Variants in SEMA3E observed in about 807,000 individuals in gnomAD.
SEMA3E encodes the protein semaphorin-3E.
A neutral mutation model predicts 93.6 loss-of-function variants in SEMA3E; 49 were observed. The observed-to-expected ratio is 0.52, with a 90% CI of 0.42 to 0.66. SEMA3E has a LOEUF of 0.66. SEMA3E is among the 30% of genes least tolerant of loss of function. The pLI, the probability that SEMA3E is intolerant of heterozygous loss-of-function variation, is 0.00. For synonymous variants in SEMA3E, 363 were observed against 330.7 expected (o/e 1.10, Z -1.06); for missense variants, 906 against 964.8 (o/e 0.94, Z 0.81).
At position 83,408,396 on chromosome 7, in the gene SEMA3E, A is replaced by T; in HGVS notation, c.642T>A (p.Thr214=). Residue 214 remains threonine, a synonymous_variant, in exon 6 of 17, where the codon ACT becomes ACA. Transcript: ENST00000643230. ...RSMGRLAHIR[T]EHDDERLLKE... The stretch of plus-strand genomic sequence containing the variant: ...TCAACAGACGCTCATCGTCATGCTC[A>T]GTGCGGATATGGGCCAGTCGCCCCA... The T allele has an allele frequency of 6.2e-7, 1 of 1,613,856 alleles. No homozygotes were observed. Among genetic ancestry groups the T allele is most frequent in the Non-Finnish European group, 8.5e-7 (1 of 1,179,864 alleles).
intron 1 of SEMA3E, among the ~76,000 whole-genome samples, chr7:83,597,559 A>C (rs1034826311): frequency 2.0e-5 from 3 of 152,148 alleles, no homozygotes; most frequent in Non-Finnish European, 4.4e-5. Flanking sequence ...TCACTCATTA[A>C]GTTGTCCTAC....
At chr7:83,417,818 G>C (rs760784510) in intron 5 of SEMA3E, among the ~76,000 whole-genome samples, 2 of 152,074 alleles carry the variant, frequency 1.3e-5, no homozygotes, top group Non-Finnish European at 2.9e-5. Flanking sequence ...TTGAACTCCA[G>C]ATCCAACTTT....
Position 83,367,644 on chromosome 7 carries a change from T to C in SEMA3E, c.2270A>G (p.Lys757Arg), listed in dbSNP as rs1296188604. 6 of 1,614,054 alleles carry C rather than the reference T, an allele frequency of 3.7e-6. No homozygotes were observed. The highest frequency in any genetic ancestry group is 1.3e-5 in the African/African-American group (1 of 74,932). ...SKWKYANPQEKKLRSKPEHYR... is the reference protein window; with the variant it reads ...SKWKYANPQERKLRSKPEHYR... ...ATGCTCAGGTTTGGAACGGAGCTTCTTTTCCTGAGGGTTGGCATACTTCCA... is the reference window on the plus strand; with the variant it reads ...ATGCTCAGGTTTGGAACGGAGCTTCCTTTCCTGAGGGTTGGCATACTTCCA... Residue 757 changes from lysine (K) to arginine (R), a missense_variant, in exon 17 of 17, where the codon AAG becomes AGG. Lys to Arg is a conservative substitution (Grantham distance 26, BLOSUM62 2). Transcript: ENST00000643230.
At chr7:83,539,156 T>A (rs1343526994) in intron 1 of SEMA3E, among the ~76,000 whole-genome samples, 2 of 152,316 alleles carry the variant, frequency 1.3e-5, no homozygotes, top group Admixed American at 1.3e-4. Flanking sequence ...TCACAAATGA[T>A]ACATTTAATC....
intron 1 of SEMA3E, 43 bp from the exon 2 acceptor site, chr7:83,490,317 G>A (rs554806829): frequency 1.3e-5 from 21 of 1,591,988 alleles, no homozygotes; most frequent in Non-Finnish European, 1.7e-6. Flanking sequence ...ACGAGAAAAT[G>A]TAAATACCTT....
At chr7:83,386,837 C>CA (rs1400624936) in intron 15 of SEMA3E, 146 bp downstream of exon 15, 1 of 761,232 alleles carries the variant, frequency 1.3e-6, no homozygotes, top group Non-Finnish European at 2.1e-6. Context: ...AAAATTTTAA[C>CA]TACATGTCAG....
At chr7:83,556,898 C>T (rs563269811) in intron 1 of SEMA3E, among the ~76,000 whole-genome samples, 1 of 152,260 alleles carries the variant, frequency 6.6e-6, no homozygotes, top group East Asian at 1.9e-4. Flanking sequence ...TCCATCCTCA[C>T]CTTGGACTTG....
intron 2 of SEMA3E, among the ~76,000 whole-genome samples, chr7:83,480,952 ATAGAT>A (rs1477780840): frequency 1.8e-4 from 28 of 152,314 alleles, no homozygotes; most frequent in African/African-American, 6.5e-4. Context: ...TTATCTATTA[ATAGAT>A]TAGATGTTCT....
At chr7:83,412,272 T>C (rs1788451842) in intron 5 of SEMA3E, among the ~76,000 whole-genome samples, 2 of 152,166 alleles carry the variant, frequency 1.3e-5, no homozygotes, top group African/African-American at 4.8e-5. Context: ...ATCCTACTGC[T>C]CATCCAACTA....
chr7:83,553,240 T>TG (rs1469471284), intron 1 of SEMA3E, among the ~76,000 whole-genome samples: 1 of 152,148 alleles, frequency 6.6e-6, no homozygotes, highest in Non-Finnish European at 1.5e-5. Flanking sequence ...GTTGAAATAT[T>TG]GGGGGTGGGT....
chr7:83,387,895 A>ATATATATGT, intron 14 of SEMA3E, among the ~76,000 whole-genome samples: 1 of 146,330 alleles, frequency 6.8e-6, no homozygotes, highest in African/African-American at 2.5e-5. Context: ...TATATATAAC[A>ATATATATGT]TTATATATAT....
chr7:83,648,172 T>TA (rs1794104559), intron 1 of SEMA3E, among the ~76,000 whole-genome samples: 2 of 152,078 alleles, frequency 1.3e-5, no homozygotes, highest in South Asian at 4.1e-4. Context: ...TCCTTATTGA[T>TA]AAAATCCAAT....
chr7:83,367,538 A>G lies in SEMA3E; in HGVS notation c.*48T>C. 1 of 1,586,366 alleles carries G rather than the reference A, an allele frequency of 6.3e-7. No homozygotes were observed. The highest frequency in any genetic ancestry group is 8.7e-7 in the Non-Finnish European group (1 of 1,155,294). On this transcript the variant is annotated 3_prime_UTR_variant, in exon 17 of 17. Transcript: ENST00000643230. ...GGATGATTTATTTTTTTACTTTTTT[A>G]CTTTCCAAATATAAATTCTTCAAAA... is the stretch of plus-strand genomic sequence containing the variant.
At chr7:83,453,844 A>G (rs1411846176) in intron 4 of SEMA3E, among the ~76,000 whole-genome samples, 1 of 152,040 alleles carries the variant, frequency 6.6e-6, no homozygotes, top group Non-Finnish European at 1.5e-5. Context: ...TGAAAGTATA[A>G]TGTTATAAAA....
chr7:83,384,874 C>T, intron 16 of SEMA3E, among the ~76,000 whole-genome samples: 1 of 151,892 alleles, frequency 6.6e-6, no homozygotes, highest in South Asian at 2.1e-4. Flanking sequence ...TATTTTAATT[C>T]TGTTATTATT....
intron 5 of SEMA3E, among the ~76,000 whole-genome samples, chr7:83,412,442 G>T (rs1788454882): frequency 6.6e-6 from 1 of 151,984 alleles, no homozygotes; most frequent in Non-Finnish European, 1.5e-5. Context: ...GTTATGAAAG[G>T]CTGTGAAGTG....
At chr7:83,643,240 G>C (rs1212130475) in intron 1 of SEMA3E, among the ~76,000 whole-genome samples, 1 of 151,910 alleles carries the variant, frequency 6.6e-6, no homozygotes, top group Non-Finnish European at 1.5e-5. Flanking sequence ...ATCTGACCTG[G>C]ATAGCAAAAC....
At chr7:83,476,934 G>T (rs1220780060) in intron 2 of SEMA3E, among the ~76,000 whole-genome samples, 1 of 152,102 alleles carries the variant, frequency 6.6e-6, no homozygotes, top group East Asian at 1.9e-4. Context: ...TCATTCCGCT[G>T]CACATTAACA....
At position 83,427,664 on chromosome 7, in the gene SEMA3E, C is replaced by T. The variant is rs537642777; in HGVS notation, c.457-9181G>A. ...TTTGAGAGTTCATTGTGGTCTTAAA[C>T]GCAGTGTTTCATGTAGTGCACAACC... On this transcript the variant is annotated intron_variant, in intron 4 of 16. Transcript: ENST00000643230. 8.5e-5 allele frequency among the ~76,000 whole-genome samples: 13 copies of T among 152,218 alleles called. No individual in the cohort carries two copies. In the East Asian group the frequency reaches 1.5e-3, roughly 18 times the overall value.
Sources: gnomAD v4.1 joint callset for allele counts (sites outside exome capture counted in the v4.1 genomes callset) on GRCh38, gnomAD v4.1.1 for gene constraint, MANE v1.5 for transcripts, NCBI Gene and HGNC (gene_info 2026-07-23, HGNC 2026-07-21) for gene names.